FASTKD3: variants seen among roughly 807,000 people sequenced by gnomAD.
FASTKD3 encodes the protein FAST kinase domains 3.
Under a neutral mutation model 49.7 loss-of-function variants are expected in FASTKD3, and 47 were observed. The ratio of observed to expected loss-of-function variants is 0.95; its 90% CI spans 0.75 to 1.21. The LOEUF is 1.21. Ranked by LOEUF, FASTKD3 falls within the 50% of genes most tolerant of loss-of-function variation. The pLI, the probability that FASTKD3 is intolerant of heterozygous loss-of-function variation, is 0.00. For synonymous variants in FASTKD3, 284 were observed against 288.6 expected (o/e 0.98, Z 0.16); for missense variants, 748 against 765.7 (o/e 0.98, Z 0.27).
chr5:7,866,606 G>T (rs577392935), intron 2 of FASTKD3, 40 bp downstream of exon 2: 1 of 1,446,428 alleles, frequency 6.9e-7, no homozygotes. Context: ...CAGTTCAAAG[G>T]TTACTTTTTT....
intron 3 of FASTKD3, among the ~76,000 whole-genome samples, chr5:7,864,204 A>G (rs1350148982): frequency 6.6e-6 from 1 of 152,196 alleles, no homozygotes; most frequent in Non-Finnish European, 1.5e-5. Flanking sequence ...TATGGAGGTA[A>G]TACACATGTT....
chr5:7,868,137 T>G lies in FASTKD3; in HGVS notation c.-54A>C. 1 of 1,195,372 alleles carries G rather than the reference T, an allele frequency of 8.4e-7. No individual in the cohort carries two copies. The highest frequency in any genetic ancestry group is 1.2e-6 in the Non-Finnish European group (1 of 856,662). 74.0% of individuals were successfully genotyped at this position (1,195,372 alleles called of 1,614,324 possible). A position where few individuals can be genotyped will look rare whatever the true frequency, so the allele number is the denominator to read the frequency against. On this transcript the variant is annotated 5_prime_UTR_variant, in exon 2 of 7. The change abolishes the stop of an existing upstream ORF in the 5' untranslated region. Coordinates refer to ENST00000264669, the MANE Select transcript of FASTKD3 (RefSeq NM_024091.4). ...ATTAAAAAATTTAAAAACACATGGT[T>G]AAATACATTGAGAACATGATTGACC...
At position 7,867,870 on chromosome 5, in the gene FASTKD3, C is replaced by A. The variant is rs978202380; in HGVS notation, c.214G>T (p.Asp72Tyr). Residue 72 changes from aspartate to tyrosine, a missense_variant, in exon 2 of 7, where the codon GAC (aspartate) becomes TAC (tyrosine). Asp to Tyr is a radical substitution (Grantham distance 160). Around this residue, in one of 3 missense-constraint regions of FASTKD3, gnomAD observed 564 missense variants for 562.8 expected, o/e 1.00. Transcript: ENST00000264669. ...ACTGGTCCACCGAGTGGATGAAGGT[C>A]ATTTCCATTTTTCGAATGAAACTTT... Reference protein sequence around the residue: ...CKKFHSKNGNDLHPLGGPVFS... With the variant: ...CKKFHSKNGNYLHPLGGPVFS... 3 of 1,614,162 alleles carry A rather than the reference C, an allele frequency of 1.9e-6. No homozygotes were observed. Among genetic ancestry groups the A allele is most frequent in the Non-Finnish European group, 2.5e-6 (3 of 1,180,032 alleles).
Position 7,859,251 on chromosome 5 carries a change from T to C in FASTKD3, c.*184A>G, listed in dbSNP as rs1746363620. On this transcript the variant is annotated 3_prime_UTR_variant, in exon 7 of 7. Coordinates refer to ENST00000264669, the MANE Select transcript of FASTKD3 (RefSeq NM_024091.4). Reference sequence around the variant, plus strand: ...AGTATCTATGACACTAGTATTAAATTAAAATTAATTTTAAATTTTACCACA... The same window carrying C: ...AGTATCTATGACACTAGTATTAAATCAAAATTAATTTTAAATTTTACCACA... The C allele has an allele frequency of 5.2e-6, 2 of 381,752 alleles. No homozygotes were observed. Among genetic ancestry groups the C allele is most frequent in the East Asian group, 7.8e-5 (2 of 25,604 alleles). The allele number at this position is 381,752 out of a possible 1,614,324, so 23.6% of individuals were successfully genotyped here.
At position 7,867,047 on chromosome 5, in the gene FASTKD3, T is replaced by C; in HGVS notation, c.1037A>G (p.His346Arg). Reference sequence around the variant, plus strand: ...GGCTTTTGTAAAAAATGTGTCATGGTGCCCAAAATATATGAACGCCTCCAA... The same window carrying C: ...GGCTTTTGTAAAAAATGTGTCATGGCGCCCAAAATATATGAACGCCTCCAA... ...RVLEAFIYFGHHDTFFTKALE... is the reference protein window; with the variant it reads ...RVLEAFIYFGRHDTFFTKALE... The change falls in exon 2 of 7, where the codon CAC becomes CGC. Residue 346 changes from histidine to arginine, a missense_variant. His to Arg is a conservative substitution (Grantham distance 29). Transcript: ENST00000264669. The C allele has an allele frequency of 6.2e-7, 1 of 1,614,184 alleles. No homozygotes were observed. The highest frequency in any genetic ancestry group is 1.1e-5 in the South Asian group (1 of 91,072).
At chr5:7,863,252 G>A (rs796303270) in intron 3 of FASTKD3, 44 of 426,010 alleles carry the variant, frequency 1.0e-4, no homozygotes, top group African/African-American at 8.1e-4. Context: ...AGAAAGAAAA[G>A]TAAAGAAGGA....
chr5:7,863,926 C>T (rs1746741469), intron 3 of FASTKD3, among the ~76,000 whole-genome samples: 1 of 152,180 alleles, frequency 6.6e-6, no homozygotes, highest in Admixed American at 6.5e-5. Flanking sequence ...CCTCGGCTCA[C>T]TGCAACCTCC....
intron 1 of FASTKD3, 55 bp downstream of exon 1, chr5:7,868,924 A>G: frequency 1.6e-6 from 1 of 638,842 alleles, no homozygotes; most frequent in South Asian, 1.7e-5. Context: ...AAAGCCGGCC[A>G]GGTCTTTGAC....
Position 7,861,266 on chromosome 5 carries a change from G to A in FASTKD3, c.1770-3C>T. ...GACCATCAATACACAGTGCTATCCT[G>A]AAAAATAAAAAAGGAGAAAAATACT... On this transcript the variant is annotated splice_region_variant and splice_polypyrimidine_tract_variant and intron_variant, in intron 5 of 6. Transcript: ENST00000264669. 2 of 1,464,602 alleles carry A rather than the reference G, an allele frequency of 1.4e-6. No individual in the cohort carries two copies. Among genetic ancestry groups the A allele is most frequent in the Non-Finnish European group, 9.2e-7 (1 of 1,089,690 alleles). 90.7% of individuals were successfully genotyped at this position (1,464,602 alleles called of 1,614,324 possible).
chr5:7,868,955 C>T (rs762525952), intron 1 of FASTKD3, 24 bp downstream of exon 1: 3 of 730,344 alleles, frequency 4.1e-6, no homozygotes, highest in African/African-American at 3.5e-5. Flanking sequence ...ACCAACTGCG[C>T]GGAGACCCCG....
rs1352900044 is a variant in FASTKD3, at chr5:7,868,145, T to C, written c.-62A>G. On this transcript the variant is annotated 5_prime_UTR_variant, in exon 2 of 7. It removes an upstream start codon present in the reference 5' UTR. Coordinates refer to ENST00000264669, the MANE Select transcript of FASTKD3 (RefSeq NM_024091.4). The stretch of plus-strand genomic sequence containing the variant: ...ATTTAAAAACACATGGTTAAATACA[T>C]TGAGAACATGATTGACCCAACATCA... 1.9e-6 allele frequency: 2 copies of C among 1,063,842 alleles called. No homozygotes were observed. The highest frequency in any genetic ancestry group is 2.5e-5 in the East Asian group (1 of 40,262). The allele number at this position is 1,063,842 out of a possible 1,614,324, so 65.9% of individuals were successfully genotyped here. A position where few individuals can be genotyped will look rare whatever the true frequency, so the allele number is the denominator to read the frequency against.
At chr5:7,860,322 TA>T (rs1253810294) in intron 6 of FASTKD3, among the ~76,000 whole-genome samples, 1 of 152,216 alleles carries the variant, frequency 6.6e-6, no homozygotes, top group Non-Finnish European at 1.5e-5. Context: ...AGCCCTCACA[TA>T]AGACCTTCTT....
At chr5:7,861,495 A>T in intron 5 of FASTKD3, 88 bp downstream of exon 5, 1 of 976,090 alleles carries the variant, frequency 1.0e-6, no homozygotes, top group Non-Finnish European at 1.4e-6. Context: ...AATCATATCT[A>T]TTTTTTTCAC....
rs921240350 is a variant in FASTKD3 at position 7,862,923 on chromosome 5, A to C, written c.1599T>G (p.Asp533Glu). 53 of 1,613,970 alleles carry C rather than the reference A, an allele frequency of 3.3e-5. No individual in the cohort carries two copies. Among genetic ancestry groups the C allele is most frequent in the Admixed American group, 2.3e-4 (14 of 60,012 alleles). The change falls in exon 4 of 7, where the codon GAT becomes GAG. Residue 533 changes from aspartate (D) to glutamate (E), a missense_variant. Asp to Glu is a conservative substitution (Grantham distance 45, BLOSUM62 2). Coordinates refer to ENST00000264669, the MANE Select transcript of FASTKD3 (RefSeq NM_024091.4). ...TPCCSLETPVDSQLYRYVKIG... is the reference protein window; with the variant it reads ...TPCCSLETPVESQLYRYVKIG... ...TCTTCACATATCTATAAAGCTGAGA[A>C]TCCACAGGGGTCTCCAGGGAACAGC...
chr5:7,863,274 A>C, intron 3 of FASTKD3: 1 of 382,856 alleles, frequency 2.6e-6, no homozygotes, highest in Non-Finnish European at 4.7e-6. Flanking sequence ...GGTAAAAAGG[A>C]GTGAGGAGAG....
At chr5:7,861,538 C>A (rs767347006) in intron 5 of FASTKD3, 45 bp downstream of exon 5, 9 of 1,364,120 alleles carry the variant, frequency 6.6e-6, no homozygotes, top group Admixed American at 2.4e-5. Context: ...TGCTTATTAG[C>A]CTCAACGAGT....
chr5:7,865,909 G>T lies in FASTKD3; in HGVS notation c.1513C>A (p.Pro505Thr). ...QLFLASVLEC[P>T]FYKGPKLLPK... ...GTTCATGCTTTTACCTTATAGAAAG[G>T]GCATTCCAGGACTGAGGCTAAGAAA... The change falls in exon 3 of 7, where the codon CCT becomes ACT. Residue 505 changes from proline (P) to threonine (T), a missense_variant. Around this residue, in one of 3 missense-constraint regions of FASTKD3, gnomAD observed 178 missense variants for 182.2 expected, o/e 0.98. Transcript: ENST00000264669. 1 of 1,613,362 alleles carries T rather than the reference G, an allele frequency of 6.2e-7. No individual in the cohort carries two copies.
Position 7,861,254 on chromosome 5 carries a change from C to T in FASTKD3, c.1779G>A (p.Leu593=), listed in dbSNP as rs773263643. ...ANEDIHKRIA[L]CIDGPKRFCS... is the part of the protein sequence containing the mutation. ...AAAACCTTTTTGGACCATCAATACA[C>T]AGTGCTATCCTGAAAAATAAAAAAG... is the stretch of plus-strand genomic sequence containing the variant. Residue 593 remains leucine, a synonymous_variant, in exon 6 of 7, where the codon CTG becomes CTA. Coordinates refer to ENST00000264669, the MANE Select transcript of FASTKD3 (RefSeq NM_024091.4). The T allele has an allele frequency of 2.6e-6, 4 of 1,520,150 alleles. No individual in the cohort carries two copies. Among genetic ancestry groups the T allele is most frequent in the African/African-American group, 1.4e-5 (1 of 72,472 alleles). The allele number at this position is 1,520,150 out of a possible 1,614,324, so 94.2% of individuals were successfully genotyped here. A position where few individuals can be genotyped will look rare whatever the true frequency, so the allele number is the denominator to read the frequency against.
Position 7,866,972 on chromosome 5 carries a change from A to G in FASTKD3, c.1112T>C (p.Val371Ala). The change falls in exon 2 of 7, where the codon GTC becomes GCC. Residue 371 changes from valine to alanine, a missense_variant. Transcript: ENST00000264669. ...ACTGCAGTACTCCATGACCCTGCAGACAACTTCAGGATCCAACGTGAGGCA... is the reference window on the plus strand; with the variant it reads ...ACTGCAGTACTCCATGACCCTGCAGGCAACTTCAGGATCCAACGTGAGGCA... ...AVCLTLDPEV[V>A]CRVMEYCSRE... 6 of 1,614,192 alleles carry G rather than the reference A, an allele frequency of 3.7e-6. No individual in the cohort carries two copies. Among genetic ancestry groups the G allele is most frequent in the Admixed American group, 1.7e-5 (1 of 60,028 alleles).
Sources: allele counts gnomAD v4.1 joint callset (sites outside exome capture counted in the v4.1 genomes callset), GRCh38; gene constraint gnomAD v4.1.1; regional missense constraint gnomAD v4.1.1; transcripts MANE v1.5; gene names NCBI Gene and HGNC (gene_info 2026-07-23, HGNC 2026-07-21).